Variants in SBNO2 observed in about 807,000 individuals in gnomAD.
SBNO2 encodes protein strawberry notch homolog 2.
In SBNO2, 89 loss-of-function variants were observed where a neutral mutation model predicts 146.3. The ratio of observed to expected loss-of-function variants is 0.61; its 90% CI spans 0.51 to 0.73. The LOEUF is 0.73. Ranked by LOEUF, SBNO2 falls within the 30% of genes least tolerant of loss-of-function variation. The pLI, the probability that SBNO2 is intolerant of heterozygous loss-of-function variation, is 0.00. For missense variants in SBNO2, 2,092 were observed against 2,003.7 expected, an observed-to-expected ratio of 1.04 and a Z score of -0.84; for synonymous variants, 1,147 against 892.6, an observed-to-expected ratio of 1.29 and a Z score of -5.08.
rs1456056685 is a variant in SBNO2 at position 1,110,764 on chromosome 19, T to G, written c.3009A>C (p.Lys1003Asn). Residue 1003 changes from lysine to asparagine, a missense_variant, in exon 26 of 32, where the codon AAA becomes AAC. By Grantham distance (94) the Lys-to-Asn change is moderately conservative. Transcript: ENST00000361757. This position sits in a 1 kb window ranked among gnomAD's most constrained non-coding sequence, Gnocchi z 4.9. ...HLIEMDKREG[K>N]YDMGILDLAP... The stretch of plus-strand genomic sequence containing the variant: ...GCTCACCCAGGATGCCCATGTCGTA[T>G]TTGCCCTCCCGCTTGTCCATCTCGA... 1 of 1,613,500 alleles carries G rather than the reference T, an allele frequency of 6.2e-7. No individual in the cohort carries two copies. The highest frequency in any genetic ancestry group is 8.5e-7 in the Non-Finnish European group (1 of 1,179,708).
Position 1,122,659 on chromosome 19 carries a change from A to C in SBNO2, c.913T>G (p.Trp305Gly). The C allele has an allele frequency of 7.6e-7, 1 of 1,308,050 alleles. No individual in the cohort carries two copies. Among genetic ancestry groups the C allele is most frequent in the Non-Finnish European group, 9.9e-7 (1 of 1,014,404 alleles). The allele number at this position is 1,308,050 out of a possible 1,614,324, so 81.0% of individuals were successfully genotyped here. A position where few individuals can be genotyped will look rare whatever the true frequency, so the allele number is the denominator to read the frequency against. ...NHLRGRKKALWFSVSNDLKYD... is the reference protein window; with the variant it reads ...NHLRGRKKALGFSVSNDLKYD... ...CCCCTGCCCCAGGCAGGGCCTCACC[A>C]CAATGCTTTCTTCCGGCCGCGCAGG... The change falls in exon 9 of 32, where the codon TGG becomes GGG. Residue 305 changes from tryptophan to glycine, a missense_variant and splice_region_variant. Coordinates refer to ENST00000361757, the MANE Select transcript of SBNO2 (RefSeq NM_014963.3).
intron 1 of SBNO2, among the ~76,000 whole-genome samples, chr19:1,166,647 ACACG>A (rs2080429036): frequency 7.4e-6 from 1 of 135,216 alleles, no homozygotes; most frequent in Admixed American, 7.3e-5. Context: ...ACACACACAC[ACACG>A]CTAAAAGCCA....
chr19:1,159,765 ACAGCGGGGGG>A (rs2080326920), intron 1 of SBNO2, among the ~76,000 whole-genome samples: 1 of 77,264 alleles, frequency 1.3e-5, no homozygotes, highest in African/African-American at 5.3e-5. Flanking sequence ...GGAGATGGGG[ACAGCGGGGGG>A]CAGTGGGGGA....
chr19:1,152,947 G>A (rs779712316), intron 2 of SBNO2, among the ~76,000 whole-genome samples: 6 of 152,078 alleles, frequency 3.9e-5, no homozygotes, highest in African/African-American at 1.4e-4. Flanking sequence ...GAGCCCGGGA[G>A]TTTGAGACCA....
At position 1,109,652 on chromosome 19, in the gene SBNO2, A is replaced by T. The variant is rs755246398; in HGVS notation, c.3123+31T>A. 3.1e-5 allele frequency: 50 copies of T among 1,600,240 alleles called. No homozygotes were observed. Among genetic ancestry groups the T allele is most frequent in the Non-Finnish European group, 4.0e-5 (47 of 1,173,284 alleles). On this transcript the variant is annotated intron_variant, in intron 27 of 31. Transcript: ENST00000361757. This position sits in a 1 kb window ranked among gnomAD's most constrained non-coding sequence, Gnocchi z 4.2. Reference sequence around the variant, plus strand: ...AGTGTGGTGGGGGCGGGGTGGGCAGAGTGTGAGGGGCTGTGGGGCTTCCTG... The same window carrying T: ...AGTGTGGTGGGGGCGGGGTGGGCAGTGTGTGAGGGGCTGTGGGGCTTCCTG...
In SBNO2 at chr19:1,116,136, G is replaced by A. The variant is rs371974979; in HGVS notation, c.1803-33C>T. ...TGAGACGCGGAGTTTATTCTCACAC[G>A]AGGAGCTGAGGCCAGGCGGGGTTGC... On this transcript the variant is annotated intron_variant, in intron 16 of 31. Coordinates refer to ENST00000361757, the MANE Select transcript of SBNO2 (RefSeq NM_014963.3). The A allele has an allele frequency of 5.7e-5, 90 of 1,578,240 alleles. 1 individual carries two copies. The highest frequency in any genetic ancestry group is 9.5e-5 in the African/African-American group (7 of 74,012).
chr19:1,143,904 G>A (rs1368986170), intron 4 of SBNO2, among the ~76,000 whole-genome samples: 1 of 152,240 alleles, frequency 6.6e-6, no homozygotes, highest in African/African-American at 2.4e-5. Context: ...TCTGCCATGA[G>A]AGGCGACACG....
At chr19:1,145,117 G>A (rs1404132140) in intron 4 of SBNO2, among the ~76,000 whole-genome samples, 1 of 150,916 alleles carries the variant, frequency 6.6e-6, no homozygotes, top group Non-Finnish European at 1.5e-5. Flanking sequence ...TGAGAGGGAG[G>A]GAGACAGAGA....
At chr19:1,159,268 G>T (rs1418585715) in intron 1 of SBNO2, among the ~76,000 whole-genome samples, 1 of 151,892 alleles carries the variant, frequency 6.6e-6, no homozygotes, top group African/African-American at 2.4e-5. Flanking sequence ...AGGCACCTGG[G>T]CAGGCCCCAA....
rs1360686492 is a variant in SBNO2 at position 1,114,667 on chromosome 19, G to A, written c.1886-245C>T. Among the ~76,000 whole-genome samples the A allele has an allele frequency of 3.9e-5, 6 of 152,180 alleles. No individual in the cohort carries two copies. The South Asian group carries it at 8.3e-4, about 21-fold the overall frequency. On this transcript the variant is annotated intron_variant, in intron 17 of 31. Transcript: ENST00000361757. ...TTATTTATTTATTTTCTTTTGAGAC[G>A]GAGTCTTACTCTGTCGCCAGGCTGG...
At chr19:1,162,377 G>A (rs11084888) in intron 1 of SBNO2, among the ~76,000 whole-genome samples, 38,581 of 147,574 alleles carry the variant, frequency 0.26, 6,006 homozygotes, top group East Asian at 0.45. Flanking sequence ...GGAGAATGGC[G>A]TGAACCCGGG....
intron 1 of SBNO2, among the ~76,000 whole-genome samples, chr19:1,171,929 C>G (rs1008192920): frequency 1.3e-5 from 2 of 152,186 alleles, no homozygotes; most frequent in Non-Finnish European, 2.9e-5. Context: ...CAAAGCCAAC[C>G]AAGAGTGAAT....
intron 1 of SBNO2, among the ~76,000 whole-genome samples, chr19:1,163,414 G>A (rs947383064): frequency 6.6e-6 from 1 of 152,186 alleles, no homozygotes; most frequent in Non-Finnish European, 1.5e-5. Context: ...AGCTTCCTGT[G>A]GCCTCCAGGA....
chr19:1,122,733 G>T lies in SBNO2; in HGVS notation c.839C>A (p.Ala280Asp). 6.5e-7 allele frequency: 1 copy of T among 1,537,124 alleles called. No homozygotes were observed. ...CACCGTCCGGCCTTTGCCCACGCCG[G>T]CCCCATCGCCGATGAGAAAGCCCGC... ...QRAGFLIGDG[A>D]GVGKGRTVAG... is the part of the protein sequence containing the mutation. Residue 280 changes from alanine to aspartate, a missense_variant, in exon 9 of 32, where the codon GCC becomes GAC. Ala to Asp is a moderately radical substitution (Grantham distance 126). Transcript: ENST00000361757.
intron 1 of SBNO2, among the ~76,000 whole-genome samples, chr19:1,155,738 C>T (rs2080284436): frequency 6.6e-6 from 1 of 152,216 alleles, no homozygotes; most frequent in South Asian, 2.1e-4. Context: ...GACCCCGGCC[C>T]CGTGTGCTGG....
rs886420823 is a variant in SBNO2, at chr19:1,109,852, C to T, written c.3029-75G>A. ...CTGGGGCCAGGGTCAGTCCCGTAGC[C>T]GGGGCGCACCCTAGAGACGACCCCC... On this transcript the variant is annotated intron_variant, in intron 26 of 31. Coordinates refer to ENST00000361757, the MANE Select transcript of SBNO2 (RefSeq NM_014963.3). The surrounding 1 kb of genome is among the most constrained non-coding windows in gnomAD (Gnocchi z 4.2). The T allele has an allele frequency of 3.3e-5, 38 of 1,144,502 alleles. No homozygotes were observed. The African/African-American group carries it at 5.4e-4, about 16-fold the overall frequency. 70.9% of individuals were successfully genotyped at this position (1,144,502 alleles called of 1,614,324 possible).
At chr19:1,113,045 C>CCCT in intron 19 of SBNO2, 96 bp from the exon 20 acceptor site, 1 of 1,399,286 alleles carries the variant, frequency 7.1e-7, no homozygotes, top group Non-Finnish European at 9.6e-7. Flanking sequence ...CTACAGTGGT[C>CCCT]ATGGGCTCCC....
intron 16 of SBNO2, 81 bp from the exon 17 acceptor site, chr19:1,116,184 C>CAGGGG: frequency 7.5e-7 from 1 of 1,330,762 alleles, no homozygotes; most frequent in African/African-American, 1.5e-5. Context: ...GGACGCACCC[C>CAGGGG]TGGGTCCCTG....
intron 4 of SBNO2, among the ~76,000 whole-genome samples, chr19:1,135,799 G>T (rs2080079854): frequency 6.6e-6 from 1 of 152,042 alleles, no homozygotes; most frequent in African/African-American, 2.4e-5. Context: ...CTGGGGGGCA[G>T]ACAGAAGAGG....
Sources: allele counts gnomAD v4.1 joint callset (sites outside exome capture counted in the v4.1 genomes callset), GRCh38; gene constraint gnomAD v4.1.1; non-coding constraint Gnocchi (gnomAD v3.1); transcripts MANE v1.5; gene names NCBI Gene and HGNC (gene_info 2026-07-23, HGNC 2026-07-21).